The following CTIF variants were observed in gnomAD, a reference collection of about 807,000 sequenced individuals.
CTIF encodes the protein CBP80/20-dependent translation initiation factor.
CTIF carries 21 observed loss-of-function variants against 66.0 expected under a neutral mutation model. The observed-to-expected ratio is 0.32, with a 90% CI of 0.23 to 0.46. The LOEUF is 0.46. CTIF is among the 20% of genes least tolerant of loss of function. CTIF has a pLI of 1.00. For synonymous variants in CTIF, 345 were observed against 326.4 expected, an observed-to-expected ratio of 1.06 and a Z score of -0.62; for missense variants, 739 against 812.7, an observed-to-expected ratio of 0.91 and a Z score of 1.10.
intron 3 of CTIF, among the ~76,000 whole-genome samples, chr18:48,641,997 T>C (rs1375481594): frequency 6.6e-6 from 1 of 152,262 alleles, no homozygotes; most frequent in Non-Finnish European, 1.5e-5. Flanking sequence ...TCAGTAATTA[T>C]AGGATTTGGT....
At position 48,820,681 on chromosome 18, in the gene CTIF, G is replaced by C. The variant is rs543619104; in HGVS notation, c.1527+3305G>C. 2.6e-5 allele frequency among the ~76,000 whole-genome samples: 4 copies of C among 152,210 alleles called. No individual in the cohort carries two copies. The East Asian group carries it at 7.7e-4, about 29-fold the overall frequency. ...GCCAGGTAGCAGCCCCAGAACCCACGCCACGGCCTTTCCGCTGTCAAGTCA... is the reference window on the plus strand; with the variant it reads ...GCCAGGTAGCAGCCCCAGAACCCACCCCACGGCCTTTCCGCTGTCAAGTCA... On this transcript the variant is annotated intron_variant, in intron 10 of 11. Transcript: ENST00000256413.
chr18:48,728,982 A>G (rs905185453), intron 7 of CTIF, among the ~76,000 whole-genome samples: 5 of 152,102 alleles, frequency 3.3e-5, no homozygotes. Context: ...TAAATGATCT[A>G]GTGAAACTCA....
At chr18:48,645,235 A>G (rs1306765573) in intron 3 of CTIF, among the ~76,000 whole-genome samples, 1 of 141,782 alleles carries the variant, frequency 7.1e-6, no homozygotes, top group Non-Finnish European at 1.5e-5. Flanking sequence ...TTTTTGCCTC[A>G]TGTGTCCCAT....
intron 1 of CTIF, among the ~76,000 whole-genome samples, chr18:48,571,415 C>T (rs1002041821): frequency 6.6e-6 from 1 of 152,194 alleles, no homozygotes; most frequent in Non-Finnish European, 1.5e-5. Context: ...CTCGGCCTCC[C>T]AAAGTGTTGG....
At chr18:48,729,211 A>C (rs997728254) in intron 7 of CTIF, among the ~76,000 whole-genome samples, 1 of 152,138 alleles carries the variant, frequency 6.6e-6, no homozygotes, top group African/African-American at 2.4e-5. Context: ...CCTCTTACCC[A>C]GGGGGTCCAG....
chr18:48,543,438 G>C (rs2145469141), intron 1 of CTIF, among the ~76,000 whole-genome samples: 1 of 152,230 alleles, frequency 6.6e-6, no homozygotes, highest in Admixed American at 6.5e-5. Flanking sequence ...TTCCTTTCAG[G>C]TTTGGGTTTT....
chr18:48,804,768 A>T (rs749895220), intron 9 of CTIF, among the ~76,000 whole-genome samples: 10 of 152,196 alleles, frequency 6.6e-5, no homozygotes, highest in Admixed American at 2.0e-4. Context: ...CCCGGGCAAT[A>T]ACCAGATCAC....
intron 3 of CTIF, among the ~76,000 whole-genome samples, chr18:48,657,047 T>A (rs1405785283): frequency 2.6e-5 from 4 of 152,152 alleles, no homozygotes; most frequent in Admixed American, 1.3e-4. Context: ...AACAAGGAAG[T>A]GGAGCCACGG....
In CTIF at chr18:48,636,633, A is replaced by T. The variant is rs1365789568; in HGVS notation, c.200A>T (p.Glu67Val). The change falls in exon 3 of 12, where the codon GAA becomes GTA. Residue 67 changes from glutamate (E) to valine (V), a missense_variant. Transcript: ENST00000256413. Reference protein sequence around the residue: ...HISQWTADCSEPLDSSCSFSR... With the variant: ...HISQWTADCSVPLDSSCSFSR... ...CTGCAGTGGACAGCGGACTGCAGCGAACCGCTGGACAGCAGCTGTTCCTTC... is the reference window on the plus strand; with the variant it reads ...CTGCAGTGGACAGCGGACTGCAGCGTACCGCTGGACAGCAGCTGTTCCTTC... 1 of 1,592,458 alleles carries T rather than the reference A, an allele frequency of 6.3e-7. No homozygotes were observed. Among genetic ancestry groups the T allele is most frequent in the African/African-American group, 1.3e-5 (1 of 74,076 alleles).
chr18:48,595,234 C>T (rs2089968435), intron 1 of CTIF, among the ~76,000 whole-genome samples: 1 of 152,140 alleles, frequency 6.6e-6, no homozygotes, highest in Non-Finnish European at 1.5e-5. Flanking sequence ...AGGTGGCAGG[C>T]ACCTTAGAGC....
chr18:48,855,131 T>C (rs4338856), intron 10 of CTIF, among the ~76,000 whole-genome samples: 43,793 of 152,080 alleles, frequency 0.29, 6,534 homozygotes, highest in Admixed American at 0.35. Context: ...CTCTTTTGTT[T>C]TGGTAGATCT....
intron 9 of CTIF, among the ~76,000 whole-genome samples, chr18:48,774,523 C>G (rs558014284): frequency 6.6e-6 from 1 of 152,268 alleles, no homozygotes; most frequent in African/African-American, 2.4e-5. Context: ...CCTTAACCCT[C>G]TGCTGGCCCT....
chr18:48,649,556 T>A (rs187136092), intron 3 of CTIF, among the ~76,000 whole-genome samples: 184 of 152,352 alleles, frequency 1.2e-3, no homozygotes, highest in Admixed American at 3.6e-3. Flanking sequence ...CAGAAACTTC[T>A]GCAGACTTAA....
At chr18:48,675,317 C>T (rs2091608785) in intron 6 of CTIF, among the ~76,000 whole-genome samples, 1 of 152,180 alleles carries the variant, frequency 6.6e-6, no homozygotes, top group Non-Finnish European at 1.5e-5. Flanking sequence ...CAGCCCAGGC[C>T]CATCATTAAC....
chr18:48,599,200 G>T (rs893907378), intron 1 of CTIF, among the ~76,000 whole-genome samples: 2 of 152,262 alleles, frequency 1.3e-5, no homozygotes, highest in Admixed American at 6.5e-5. Context: ...TGTGGCCGGG[G>T]CCTCACACTG....
In CTIF at chr18:48,860,980, C is replaced by T. The variant is rs897964904; in HGVS notation, c.*1421C>T. The T allele has an allele frequency of 3.3e-5, 5 of 152,262 alleles. No homozygotes were observed. Among genetic ancestry groups the T allele is most frequent in the Admixed American group, 6.5e-5 (1 of 15,294 alleles). The allele number at this position is 152,262 out of a possible 1,614,324, so 9.4% of individuals were successfully genotyped here. A position where few individuals can be genotyped will look rare whatever the true frequency, so the allele number is the denominator to read the frequency against. ...GGCTGGAGCACACACTTTGATGAGCCCCCCCGGAAATGATGTCAGAGCCTA... is the reference window on the plus strand; with the variant it reads ...GGCTGGAGCACACACTTTGATGAGCTCCCCCGGAAATGATGTCAGAGCCTA... On this transcript the variant is annotated 3_prime_UTR_variant, in exon 12 of 12. Coordinates refer to ENST00000256413, the MANE Select transcript of CTIF (RefSeq NM_014772.3).
intron 6 of CTIF, among the ~76,000 whole-genome samples, chr18:48,700,776 C>A (rs1041322275): frequency 2.2e-4 from 33 of 152,360 alleles, no homozygotes; most frequent in Middle Eastern, 3.4e-3. Context: ...TGTGACTCCA[C>A]TCAATTTGCG....
At position 48,861,151 on chromosome 18, in the gene CTIF, G is replaced by C. The variant is rs2069458879; in HGVS notation, c.*1592G>C. 6.6e-6 allele frequency: 1 copy of C among 152,398 alleles called. No individual in the cohort carries two copies. The highest frequency in any genetic ancestry group is 2.4e-5 in the African/African-American group (1 of 41,460). The allele number at this position is 152,398 out of a possible 1,614,324, so 9.4% of individuals were successfully genotyped here. On this transcript the variant is annotated 3_prime_UTR_variant, in exon 12 of 12. Transcript: ENST00000256413. ...TTGATTCTGAGTCTGAGAGTGGCGA[G>C]TGGGGAGAGGCTTCCCCAGTTCTCT...
chr18:48,748,007 C>T (rs1412983152), intron 7 of CTIF, among the ~76,000 whole-genome samples: 7 of 151,872 alleles, frequency 4.6e-5, no homozygotes, highest in South Asian at 2.1e-4. Context: ...CCCCCATTGA[C>T]GGCCAAAGTA....
Sources: allele counts gnomAD v4.1 joint callset (sites outside exome capture counted in the v4.1 genomes callset), GRCh38; gene constraint gnomAD v4.1.1; transcripts MANE v1.5; gene names NCBI Gene and HGNC (gene_info 2026-07-23, HGNC 2026-07-21).